CDH13: variants seen among roughly 807,000 people sequenced by gnomAD.
CDH13 encodes the protein cadherin 13.
Under a neutral mutation model 63.8 loss-of-function variants are expected in CDH13, and 24 were observed. The observed-to-expected ratio is 0.38, with a 90% CI of 0.27 to 0.53. The LOEUF (loss-of-function observed/expected upper bound fraction) is 0.53. Ranked by LOEUF, CDH13 falls within the 20% of genes least tolerant of loss-of-function variation. The pLI is 0.85. For synonymous variants in CDH13, 503 were observed against 355.3 expected (o/e 1.42, Z -4.67); for missense variants, 1,049 against 903.1 (o/e 1.16, Z -2.07).
chr16:83,056,347 A>G (rs1261277538), intron 3 of CDH13, among the ~76,000 whole-genome samples: 1 of 152,196 alleles, frequency 6.6e-6, no homozygotes, highest in Non-Finnish European at 1.5e-5. Flanking sequence ...GGCTCTTACA[A>G]GAAAGTCCAG....
chr16:83,631,245 G>A (rs1041134444), intron 8 of CDH13, among the ~76,000 whole-genome samples: 6 of 152,192 alleles, frequency 3.9e-5, no homozygotes, highest in African/African-American at 1.4e-4. Flanking sequence ...AGATGCTGCT[G>A]GAATTGAGCA....
chr16:82,983,255 C>G (rs1293153226), intron 2 of CDH13, among the ~76,000 whole-genome samples: 3 of 152,160 alleles, frequency 2.0e-5, no homozygotes, highest in Non-Finnish European at 4.4e-5. Context: ...CCTTCCTTTC[C>G]TCTCTCCTTC....
chr16:83,025,126 A>G (rs1018036722), intron 2 of CDH13, among the ~76,000 whole-genome samples: 2 of 152,208 alleles, frequency 1.3e-5, no homozygotes, highest in African/African-American at 2.4e-5. Context: ...AATGGTGATC[A>G]TTCTCATTCA....
chr16:82,967,538 T>G (rs1443580455), intron 2 of CDH13, among the ~76,000 whole-genome samples: 1 of 152,188 alleles, frequency 6.6e-6, no homozygotes, highest in Non-Finnish European at 1.5e-5. Context: ...AGTGCCCATT[T>G]CCCCTTGGCG....
At chr16:83,076,750 T>G (rs1336829976) in intron 3 of CDH13, among the ~76,000 whole-genome samples, 2 of 152,286 alleles carry the variant, frequency 1.3e-5, no homozygotes, top group South Asian at 4.1e-4. Flanking sequence ...GCATGCATAT[T>G]GTTAATTAGA....
chr16:82,822,651 C>T (rs911063011), intron 1 of CDH13, among the ~76,000 whole-genome samples: 9 of 152,272 alleles, frequency 5.9e-5, no homozygotes, highest in African/African-American at 1.9e-4. Context: ...TGCACCGCCA[C>T]ACCTGGCTAA....
intron 10 of CDH13, among the ~76,000 whole-genome samples, chr16:83,726,695 G>A (rs540460426): frequency 6.6e-6 from 1 of 152,222 alleles, no homozygotes; most frequent in Non-Finnish European, 1.5e-5. Context: ...AAAATTAGCC[G>A]AGCGTGGAGG....
intron 2 of CDH13, among the ~76,000 whole-genome samples, chr16:82,860,995 C>G (rs778114223): frequency 2.0e-5 from 3 of 152,118 alleles, no homozygotes; most frequent in Admixed American, 1.3e-4. Context: ...CTCTGAAAAA[C>G]GTGATTAATC....
chr16:83,266,212 A>G (rs1195013209), intron 5 of CDH13, among the ~76,000 whole-genome samples: 1 of 152,134 alleles, frequency 6.6e-6, no homozygotes, highest in Non-Finnish European at 1.5e-5. Flanking sequence ...TTCTGGGATT[A>G]CATACAGAAG....
chr16:82,766,256 G>A (rs1172103848), intron 1 of CDH13, among the ~76,000 whole-genome samples: 1 of 152,090 alleles, frequency 6.6e-6, no homozygotes, highest in Non-Finnish European at 1.5e-5. Context: ...TAGAATTTAG[G>A]TCAAGATGCA....
At chr16:83,097,853 A>T (rs1175787911) in intron 3 of CDH13, among the ~76,000 whole-genome samples, 2 of 152,216 alleles carry the variant, frequency 1.3e-5, no homozygotes, top group African/African-American at 4.8e-5. Context: ...GGTAGAGTAG[A>T]CCACATTCCA....
At chr16:83,380,090 G>A (rs2091535846) in intron 6 of CDH13, among the ~76,000 whole-genome samples, 1 of 151,894 alleles carries the variant, frequency 6.6e-6, no homozygotes, top group South Asian at 2.1e-4. Context: ...TGCCTAAGAT[G>A]ATTCAAAATG....
chr16:83,528,457 G>T (rs11149574), intron 7 of CDH13, among the ~76,000 whole-genome samples: 65,308 of 151,894 alleles, frequency 0.43, 14,520 homozygotes, highest in Non-Finnish European at 0.49. Flanking sequence ...GGTGTATAGT[G>T]AAACATCAAC....
intron 4 of CDH13, among the ~76,000 whole-genome samples, chr16:83,192,255 A>G (rs191448285): frequency 2.4e-4 from 37 of 152,154 alleles, no homozygotes; most frequent in Admixed American, 2.3e-3. Context: ...ACTGTACTTG[A>G]CCTTCATGCC....
chr16:83,309,239 A>G (rs796323460), intron 5 of CDH13, among the ~76,000 whole-genome samples: 7 of 152,312 alleles, frequency 4.6e-5, no homozygotes, highest in African/African-American at 9.6e-5. Flanking sequence ...TGCAATGACT[A>G]AGGTGGAAAT....
intron 4 of CDH13, among the ~76,000 whole-genome samples, chr16:83,131,760 T>C (rs967827404): frequency 6.6e-6 from 1 of 152,212 alleles, no homozygotes; most frequent in Non-Finnish European, 1.5e-5. Flanking sequence ...AAGTACTTTT[T>C]TACAGAAAAT....
chr16:83,756,293 G>C (rs1913500919), intron 11 of CDH13, among the ~76,000 whole-genome samples: 2 of 152,116 alleles, frequency 1.3e-5, no homozygotes, highest in South Asian at 4.1e-4. Flanking sequence ...AATATTTCAA[G>C]TAATATTATC....
At chr16:83,647,039 G>A (rs970449618) in intron 8 of CDH13, among the ~76,000 whole-genome samples, 10 of 151,772 alleles carry the variant, frequency 6.6e-5, no homozygotes, top group South Asian at 4.2e-4. Context: ...GGCCAGGCGC[G>A]GTGGCTCACG....
chr16:83,334,361 T>TCTCTCACACACACACA (rs1272779883), intron 5 of CDH13, among the ~76,000 whole-genome samples: 21 of 85,622 alleles, frequency 2.5e-4, no homozygotes, highest in African/African-American at 8.4e-4. Flanking sequence ...TCTCTCTCTC[T>TCTCTCACACACACACA]CACACACACA....
Sources: gnomAD v4.1 joint callset for allele counts (sites outside exome capture counted in the v4.1 genomes callset) on GRCh38, gnomAD v4.1.1 for gene constraint, MANE v1.5 for transcripts, NCBI Gene and HGNC (gene_info 2026-07-23, HGNC 2026-07-21) for gene names.